SMYD3: variants seen among roughly 807,000 people sequenced by gnomAD.
The protein encoded by SMYD3 is histone-lysine N-methyltransferase SMYD3.
In SMYD3, 36 loss-of-function variants were observed where a neutral mutation model predicts 57.7. That is an observed-to-expected ratio of 0.62 (90% CI 0.48 to 0.82). The LOEUF (loss-of-function observed/expected upper bound fraction) is 0.82, where lower values mean the gene tolerates loss of function less well. SMYD3 is among the 40% of genes least tolerant of loss of function. The pLI, the probability that SMYD3 is intolerant of heterozygous loss-of-function variation, is 0.00. For synonymous variants in SMYD3, 211 were observed against 195.0 expected, an observed-to-expected ratio of 1.08 and a Z score of -0.68; for missense variants, 515 against 538.8, an observed-to-expected ratio of 0.96 and a Z score of 0.44.
chr1:246,240,204 T>C (rs2063583911), intron 5 of SMYD3, among the ~76,000 whole-genome samples: 1 of 152,214 alleles, frequency 6.6e-6, no homozygotes, highest in Admixed American at 6.5e-5. Context: ...GGTTTTCTTC[T>C]AGGGTTTTTG....
At chr1:245,945,489 A>G (rs1308819708) in intron 5 of SMYD3, among the ~76,000 whole-genome samples, 1 of 152,204 alleles carries the variant, frequency 6.6e-6, no homozygotes, top group Non-Finnish European at 1.5e-5. Flanking sequence ...CAAGGCTGCA[A>G]AGAAATAGGG....
At chr1:246,475,629 G>A (rs2068020486) in intron 1 of SMYD3, among the ~76,000 whole-genome samples, 1 of 152,146 alleles carries the variant, frequency 6.6e-6, no homozygotes, top group East Asian at 2.0e-4. Flanking sequence ...CTGAGCGACA[G>A]AGCAAGACTC....
At chr1:246,455,541 A>T (rs2067689630) in intron 1 of SMYD3, among the ~76,000 whole-genome samples, 1 of 152,222 alleles carries the variant, frequency 6.6e-6, no homozygotes, top group Non-Finnish European at 1.5e-5. Flanking sequence ...AGCTTTAGGG[A>T]CACTGAGCCT....
At chr1:246,143,668 A>AAATC (rs777578346) in intron 5 of SMYD3, among the ~76,000 whole-genome samples, 16 of 152,138 alleles carry the variant, frequency 1.1e-4, no homozygotes, top group African/African-American at 2.7e-4. Context: ...ACCCTATCTC[A>AAATC]AATCAATCAA....
chr1:245,893,798 C>A (rs1272744268), intron 8 of SMYD3, among the ~76,000 whole-genome samples: 2 of 151,978 alleles, frequency 1.3e-5, no homozygotes, highest in Admixed American at 6.6e-5. Context: ...CTGCATTTAT[C>A]CAAGTTTGTA....
At chr1:246,293,252 C>G (rs1382809342) in intron 5 of SMYD3, among the ~76,000 whole-genome samples, 1 of 152,100 alleles carries the variant, frequency 6.6e-6, no homozygotes, top group Non-Finnish European at 1.5e-5. Context: ...ATCTTCTGAA[C>G]TATATTTGGT....
intron 5 of SMYD3, among the ~76,000 whole-genome samples, chr1:245,968,414 G>A (rs2058210076): frequency 6.6e-6 from 1 of 152,118 alleles, no homozygotes; most frequent in Admixed American, 6.5e-5. Context: ...CTACTGGAAT[G>A]ACAACTCTCC....
intron 5 of SMYD3, among the ~76,000 whole-genome samples, chr1:246,057,586 G>A (rs926548786): frequency 1.3e-5 from 2 of 152,098 alleles, no homozygotes; most frequent in South Asian, 2.1e-4. Context: ...GGCCAAATCC[G>A]GAACACTGAT....
chr1:246,178,464 C>T (rs1006238653), intron 5 of SMYD3, among the ~76,000 whole-genome samples: 2 of 152,164 alleles, frequency 1.3e-5, no homozygotes, highest in African/African-American at 4.8e-5. Flanking sequence ...AAAAACACCA[C>T]TGAAGTGGGA....
intron 5 of SMYD3, among the ~76,000 whole-genome samples, chr1:246,213,242 T>G (rs1309288410): frequency 6.6e-6 from 1 of 152,170 alleles, no homozygotes; most frequent in African/African-American, 2.4e-5. Context: ...AAAAGCACTT[T>G]TCTAAACCCA....
At chr1:246,036,584 C>T (rs1292377015) in intron 5 of SMYD3, among the ~76,000 whole-genome samples, 2 of 146,974 alleles carry the variant, frequency 1.4e-5, no homozygotes, top group Non-Finnish European at 3.0e-5. Context: ...GACGGAGTCT[C>T]GCTTTGTTGC....
At chr1:246,176,470 C>T (rs2062436562) in intron 5 of SMYD3, among the ~76,000 whole-genome samples, 1 of 152,216 alleles carries the variant, frequency 6.6e-6, no homozygotes, top group Non-Finnish European at 1.5e-5. Context: ...CTTACATGGT[C>T]TGACCCTCAG....
rs150701638 is a variant in SMYD3 at position 245,942,309 on chromosome 1, A to G, written c.532-12372T>C. Among the ~76,000 whole-genome samples, 409 of 152,356 alleles carry G rather than the reference A, an allele frequency of 2.7e-3. 1 individual carries two copies. Among genetic ancestry groups the G allele is most frequent in the African/African-American group, 9.4e-3 (391 of 41,576 alleles). ...ATTTACCAAGCAAATGGAAAGCAGA[A>G]AAAAAGCAGGCATTGCAATCCTAGT... On this transcript the variant is annotated intron_variant, in intron 5 of 11. Transcript: ENST00000490107.
chr1:245,814,629 G>A (rs564327087), intron 10 of SMYD3, among the ~76,000 whole-genome samples: 38 of 152,152 alleles, frequency 2.5e-4, no homozygotes, highest in African/African-American at 7.9e-4. Context: ...CTGGCATTGC[G>A]GAGAAGCTGC....
chr1:246,419,160 C>T (rs1223086688), intron 1 of SMYD3, among the ~76,000 whole-genome samples: 1 of 152,212 alleles, frequency 6.6e-6, no homozygotes, highest in Non-Finnish European at 1.5e-5. Flanking sequence ...CCTAACTCCA[C>T]CGCCTATCTC....
chr1:245,858,322 A>G (rs899124977), intron 10 of SMYD3, among the ~76,000 whole-genome samples, 174 bp downstream of exon 10: 1 of 152,268 alleles, frequency 6.6e-6, no homozygotes, highest in Non-Finnish European at 1.5e-5. Context: ...GAATGAATGC[A>G]TAAGTGAATG....
intron 5 of SMYD3, among the ~76,000 whole-genome samples, chr1:246,190,412 C>T (rs1486524849): frequency 1.3e-5 from 2 of 151,912 alleles, no homozygotes; most frequent in Non-Finnish European, 2.9e-5. Context: ...TGGTGAAACC[C>T]CGTCTCTACT....
chr1:245,887,177 G>T (rs1003507839), intron 8 of SMYD3, among the ~76,000 whole-genome samples: 1 of 152,120 alleles, frequency 6.6e-6, no homozygotes, highest in South Asian at 2.1e-4. Context: ...GATAAAACAG[G>T]TTGCAGTAAA....
intron 5 of SMYD3, among the ~76,000 whole-genome samples, chr1:246,059,010 A>G (rs1029032246): frequency 5.3e-5 from 8 of 151,862 alleles, no homozygotes; most frequent in Admixed American, 3.9e-4. Flanking sequence ...GAGTAGCTGG[A>G]ACTGCAGGCG....
Sources: gnomAD v4.1 joint callset for allele counts (sites outside exome capture counted in the v4.1 genomes callset) on GRCh38, gnomAD v4.1.1 for gene constraint, MANE v1.5 for transcripts, NCBI Gene and HGNC (gene_info 2026-07-23, HGNC 2026-07-21) for gene names.